The following FOXN2 variants were observed in gnomAD, a reference collection of about 807,000 sequenced individuals.
The protein encoded by FOXN2 is forkhead box N2.
In FOXN2, 19 loss-of-function variants were observed where a neutral mutation model predicts 41.2. That is an observed-to-expected ratio of 0.46 (90% confidence interval 0.32 to 0.68). FOXN2 has a LOEUF of 0.68. Ranked by LOEUF, FOXN2 falls within the 30% of genes least tolerant of loss-of-function variation. The probability of loss-of-function intolerance (pLI) is 0.03; values close to 1 mark genes in which losing one functional copy is unlikely to be tolerated. For synonymous variants in FOXN2, 195 were observed against 176.8 expected, an observed-to-expected ratio of 1.10 and a Z score of -0.82; for missense variants, 587 against 509.4, an observed-to-expected ratio of 1.15 and a Z score of -1.47.
At chr2:48,373,720 A>G (rs1474439951) in intron 6 of FOXN2, among the ~76,000 whole-genome samples, 1 of 152,166 alleles carries the variant, frequency 6.6e-6, no homozygotes, top group Non-Finnish European at 1.5e-5. Context: ...TGCAAAATCC[A>G]TGAAGGAAAA....
At chr2:48,333,442 A>T (rs1670139492) in intron 2 of FOXN2, among the ~76,000 whole-genome samples, 1 of 152,178 alleles carries the variant, frequency 6.6e-6, no homozygotes, top group Non-Finnish European at 1.5e-5. Context: ...ATAGTAATTC[A>T]TAATACATTT....
At chr2:48,344,898 G>C (rs1328589473) in intron 2 of FOXN2, among the ~76,000 whole-genome samples, 1 of 145,988 alleles carries the variant, frequency 6.8e-6, no homozygotes, top group Non-Finnish European at 1.5e-5. Context: ...TAGGATAATA[G>C]TCGGTTTTTC....
chr2:48,370,511 A>T (rs1019079002), intron 5 of FOXN2, among the ~76,000 whole-genome samples: 1 of 152,132 alleles, frequency 6.6e-6, no homozygotes, highest in Non-Finnish European at 1.5e-5. Flanking sequence ...TCTGACCTCT[A>T]TATTTAAAAT....
chr2:48,333,793 AT>A (rs1670168916), intron 2 of FOXN2, among the ~76,000 whole-genome samples: 1 of 152,146 alleles, frequency 6.6e-6, no homozygotes, highest in South Asian at 2.1e-4. Context: ...GGTGGTCTTT[AT>A]TTACAGCCCC....
chr2:48,375,305 A>G lies in FOXN2; in HGVS notation c.1158A>G (p.Arg386=). 1 of 1,613,972 alleles carries G rather than the reference A, an allele frequency of 6.2e-7. No homozygotes were observed. Among genetic ancestry groups the G allele is most frequent in the South Asian group, 1.1e-5 (1 of 91,076 alleles). The part of the protein sequence containing the change: ...SEKGQSGKKM[R]KQTCQEIDEE... Reference sequence around the variant, plus strand: ...AAGGGCAGTCAGGCAAAAAGATGCGAAAACAGACATGTCAAGAAATTGATG... The same window carrying G: ...AAGGGCAGTCAGGCAAAAAGATGCGGAAACAGACATGTCAAGAAATTGATG... The change falls in exon 7 of 7, where the codon CGA becomes CGG. Residue 386 remains arginine (R), a synonymous_variant. Coordinates refer to ENST00000340553, the MANE Select transcript of FOXN2 (RefSeq NM_002158.4).
At chr2:48,329,417 TC>T (rs1558614397) in intron 2 of FOXN2, among the ~76,000 whole-genome samples, 1 of 152,052 alleles carries the variant, frequency 6.6e-6, no homozygotes, top group Admixed American at 6.6e-5. Flanking sequence ...GAGAAGGTTT[TC>T]CCCCCACTCA....
chr2:48,339,864 C>G (rs187862680), intron 2 of FOXN2, among the ~76,000 whole-genome samples: 202 of 152,206 alleles, frequency 1.3e-3, no homozygotes, highest in African/African-American at 4.7e-3. Context: ...TAGCCCCAAA[C>G]ATAAACAATT....
chr2:48,345,653 AT>A (rs1671049816), intron 2 of FOXN2, among the ~76,000 whole-genome samples: 2 of 152,156 alleles, frequency 1.3e-5, no homozygotes, highest in South Asian at 4.1e-4. Context: ...TGAAATAAAA[AT>A]GTTATCTCTT....
chr2:48,370,131 C>T (rs753894871), intron 5 of FOXN2, among the ~76,000 whole-genome samples: 2 of 152,108 alleles, frequency 1.3e-5, no homozygotes, highest in Non-Finnish European at 2.9e-5. Flanking sequence ...GTGAGTGGGG[C>T]CTGAAATTCA....
At chr2:48,364,606 T>C (rs1425504098) in intron 5 of FOXN2, among the ~76,000 whole-genome samples, 6 of 152,260 alleles carry the variant, frequency 3.9e-5, no homozygotes, top group Non-Finnish European at 8.8e-5. Flanking sequence ...TTGAATTTTT[T>C]AGTAATATCA....
chr2:48,323,260 C>T (rs1405235541), intron 1 of FOXN2, among the ~76,000 whole-genome samples: 2 of 151,944 alleles, frequency 1.3e-5, no homozygotes, highest in Non-Finnish European at 2.9e-5. Context: ...ATTAGAATAT[C>T]TGTCACCTGA....
chr2:48,347,533 T>A (rs887572525), intron 3 of FOXN2, among the ~76,000 whole-genome samples: 5 of 148,020 alleles, frequency 3.4e-5, no homozygotes, highest in African/African-American at 1.2e-4. Context: ...AGCCGAGGTG[T>A]TGTGTGTGTG....
Position 48,378,905 on chromosome 2 carries a change from C to G in FOXN2, c.*3462C>G, listed in dbSNP as rs1464689175. Reference sequence around the variant, plus strand: ...AAATCGTTGTACATTTCTTATTAAACTAAGTGCTTAATTTTAAAGTATTAT... The same window carrying G: ...AAATCGTTGTACATTTCTTATTAAAGTAAGTGCTTAATTTTAAAGTATTAT... On this transcript the variant is annotated 3_prime_UTR_variant, in exon 7 of 7. Coordinates refer to ENST00000340553, the MANE Select transcript of FOXN2 (RefSeq NM_002158.4). 6.6e-6 allele frequency: 1 copy of G among 152,434 alleles called. No homozygotes were observed. Among genetic ancestry groups the G allele is most frequent in the African/African-American group, 2.4e-5 (1 of 41,384 alleles). 9.4% of individuals were successfully genotyped at this position (152,434 alleles called of 1,614,324 possible).
intron 2 of FOXN2, among the ~76,000 whole-genome samples, chr2:48,335,045 A>C (rs1008715210): frequency 1.3e-5 from 2 of 152,240 alleles, no homozygotes; most frequent in African/African-American, 4.8e-5. Flanking sequence ...TCATTATCAA[A>C]GAATTCCCAT....
At chr2:48,369,306 G>A (rs946210569) in intron 5 of FOXN2, among the ~76,000 whole-genome samples, 10 of 152,228 alleles carry the variant, frequency 6.6e-5, no homozygotes, top group African/African-American at 2.4e-4. Context: ...GGGAGGCCAA[G>A]GCGGGTGGAT....
At chr2:48,369,832 C>CA (rs1572778121) in intron 5 of FOXN2, among the ~76,000 whole-genome samples, 1 of 151,586 alleles carries the variant, frequency 6.6e-6, no homozygotes, top group African/African-American at 2.4e-5. Context: ...CATATCTCTA[C>CA]AAAAAATAAA....
intron 1 of FOXN2, among the ~76,000 whole-genome samples, chr2:48,327,943 T>A (rs1346800983): frequency 6.6e-6 from 1 of 152,198 alleles, no homozygotes; most frequent in Admixed American, 6.5e-5. Context: ...AGTTTTACTC[T>A]TGCTTTCCAA....
intron 3 of FOXN2, among the ~76,000 whole-genome samples, chr2:48,353,015 TGAG>T (rs1422802357): frequency 2.0e-5 from 3 of 152,150 alleles, no homozygotes; most frequent in Non-Finnish European, 4.4e-5. Context: ...TTATATAAGT[TGAG>T]GAGTCAGCAT....
intron 1 of FOXN2, among the ~76,000 whole-genome samples, chr2:48,327,332 T>G (rs1332190173): frequency 6.6e-6 from 1 of 152,222 alleles, no homozygotes; most frequent in East Asian, 1.9e-4. Context: ...ACTAGACTAC[T>G]TAGCTATATG....
Sources: allele counts gnomAD v4.1 joint callset (sites outside exome capture counted in the v4.1 genomes callset), GRCh38; gene constraint gnomAD v4.1.1; transcripts MANE v1.5; gene names NCBI Gene and HGNC (gene_info 2026-07-23, HGNC 2026-07-21).